FARSB: variants seen among roughly 807,000 people sequenced by gnomAD.
The protein encoded by FARSB is phenylalanyl-tRNA synthetase subunit beta, also known as phenylalanine--tRNA ligase beta subunit.
A neutral mutation model predicts 69.6 loss-of-function variants in FARSB; 40 were observed. That is an observed-to-expected ratio of 0.57 (90% CI 0.45 to 0.75). FARSB has a LOEUF of 0.75. FARSB is among the 30% of genes least tolerant of loss of function. The probability of loss-of-function intolerance (pLI) is 0.00; values close to 1 mark genes in which losing one functional copy is unlikely to be tolerated. For synonymous variants in FARSB, 235 were observed against 247.2 expected, an observed-to-expected ratio of 0.95 and a Z score of 0.46; for missense variants, 632 against 722.9, an observed-to-expected ratio of 0.87 and a Z score of 1.44.
Position 222,570,274 on chromosome 2 carries a change from CA to C in FARSB, c.*1596del, listed in dbSNP as rs1430716130. Among the ~76,000 whole-genome samples, 1 of 152,164 alleles carries C rather than the reference CA, an allele frequency of 6.6e-6. No homozygotes were observed. Among genetic ancestry groups the C allele is most frequent in the Non-Finnish European group, 1.5e-5 (1 of 68,036 alleles). On this transcript the variant is annotated 3_prime_UTR_variant, in exon 17 of 17. Transcript: ENST00000281828. ...TATTAAGTTTTAAGAAATCTTTATGCATGCTGGATACAAGTCCTTTTGGCAT... is the reference window on the plus strand; with the variant it reads ...TATTAAGTTTTAAGAAATCTTTATGCTGCTGGATACAAGTCCTTTTGGCAT...
chr2:222,633,387 A>G (rs1166079974), intron 6 of FARSB, 80 bp from the exon 7 acceptor site: 1 of 695,668 alleles, frequency 1.4e-6, no homozygotes, highest in Admixed American at 2.8e-5. Context: ...ACCTAATATT[A>G]AAAAAGAAGA....
intron 2 of FARSB, among the ~76,000 whole-genome samples, chr2:222,645,248 T>A (rs534493635): frequency 2.6e-5 from 4 of 152,206 alleles, no homozygotes; most frequent in South Asian, 2.1e-4. Flanking sequence ...TGTCCATAGT[T>A]ACACAGCTAG....
Position 222,600,044 on chromosome 2 carries a change from T to G in FARSB, c.1502A>C (p.Tyr501Ser). The G allele has an allele frequency of 6.2e-7, 1 of 1,611,110 alleles. No individual in the cohort carries two copies. Among genetic ancestry groups the G allele is most frequent in the Non-Finnish European group, 8.5e-7 (1 of 1,179,324 alleles). Reference sequence around the variant, plus strand: ...CTCAAACCCAGGATTCTTGTTGTAATAAACAGCACAGAGATGTCTGTAGTT... The same window carrying G: ...CTCAAACCCAGGATTCTTGTTGTAAGAAACAGCACAGAGATGTCTGTAGTT... ...AKNYRHLCAV[Y>S]YNKNPGFEII... Residue 501 changes from tyrosine to serine, a missense_variant, in exon 16 of 17, where the codon TAT (tyrosine) becomes TCT (serine). Physicochemically the swap from Tyr to Ser is moderately radical, Grantham distance 144. Transcript: ENST00000281828.
intron 2 of FARSB, among the ~76,000 whole-genome samples, chr2:222,646,100 G>C (rs1212418255): frequency 1.3e-5 from 2 of 152,082 alleles, no homozygotes; most frequent in Non-Finnish European, 2.9e-5. Context: ...TGTTACTTTT[G>C]GCAGCAGAAT....
At chr2:222,617,332 T>C (rs959311828) in intron 14 of FARSB, among the ~76,000 whole-genome samples, 2 of 152,232 alleles carry the variant, frequency 1.3e-5, no homozygotes, top group Admixed American at 1.3e-4. Flanking sequence ...CTGATTATTT[T>C]CCTTCCACTT....
chr2:222,628,291 G>A (rs181640825), intron 10 of FARSB, among the ~76,000 whole-genome samples: 31 of 152,204 alleles, frequency 2.0e-4, no homozygotes, highest in Non-Finnish European at 4.4e-4. Context: ...CAAATATAGA[G>A]GAGCAGACTA....
chr2:222,618,156 C>G (rs543481490), intron 14 of FARSB, among the ~76,000 whole-genome samples: 1 of 152,196 alleles, frequency 6.6e-6, no homozygotes, highest in South Asian at 2.1e-4. Flanking sequence ...AAAGTTCTGA[C>G]CCTAAGTATA....
At chr2:222,613,956 G>T in intron 14 of FARSB, 28 bp from the exon 15 acceptor site, 1 of 1,288,066 alleles carries the variant, frequency 7.8e-7, no homozygotes, top group South Asian at 1.2e-5. Flanking sequence ...AAATTGCACT[G>T]ACCAAATAGG....
At chr2:222,654,404 T>G (rs1053409929) in intron 1 of FARSB, among the ~76,000 whole-genome samples, 4 of 152,226 alleles carry the variant, frequency 2.6e-5, no homozygotes, top group African/African-American at 4.8e-5. Context: ...TATAAATCAA[T>G]TTCATGTTTA....
intron 15 of FARSB, among the ~76,000 whole-genome samples, chr2:222,601,429 A>G (rs1690557963): frequency 6.6e-6 from 1 of 152,022 alleles, no homozygotes; most frequent in African/African-American, 2.4e-5. Flanking sequence ...TAATAATAAT[A>G]ATAATAAAAA....
chr2:222,654,469 C>G (rs1169466682), intron 1 of FARSB, among the ~76,000 whole-genome samples: 1 of 152,174 alleles, frequency 6.6e-6, no homozygotes, highest in Non-Finnish European at 1.5e-5. Flanking sequence ...ATCCCAAAAT[C>G]CAAAATCCAA....
chr2:222,634,288 AT>A, intron 6 of FARSB, 102 bp downstream of exon 6: 1 of 792,020 alleles, frequency 1.3e-6, no homozygotes, highest in Non-Finnish European at 1.9e-6. Context: ...AGACACTGCT[AT>A]TTTTTAAAAG....
At chr2:222,579,376 G>T (rs753454772) in intron 16 of FARSB, among the ~76,000 whole-genome samples, 73 of 152,306 alleles carry the variant, frequency 4.8e-4, no homozygotes, top group Non-Finnish European at 8.4e-4. Flanking sequence ...TCCACCTTAG[G>T]ACATACCCAA....
intron 5 of FARSB, among the ~76,000 whole-genome samples, chr2:222,637,018 T>C (rs961132343): frequency 7.2e-5 from 11 of 152,062 alleles, no homozygotes; most frequent in Non-Finnish European, 1.5e-4. Context: ...ACATAATAAA[T>C]AGACGAGGAA....
intron 16 of FARSB, among the ~76,000 whole-genome samples, chr2:222,576,140 C>A (rs1689834245): frequency 6.6e-6 from 1 of 152,046 alleles, no homozygotes; most frequent in South Asian, 2.1e-4. Flanking sequence ...TATCAAGCAC[C>A]TTCTTAATCA....
chr2:222,632,074 CGA>C (rs1207904264), intron 7 of FARSB, among the ~76,000 whole-genome samples: 1 of 151,632 alleles, frequency 6.6e-6, no homozygotes, highest in African/African-American at 2.4e-5. Flanking sequence ...TGCAATGGCA[CGA>C]GAGTGTGCCA....
chr2:222,631,547 C>A, intron 8 of FARSB, 57 bp downstream of exon 8: 1 of 945,982 alleles, frequency 1.1e-6, no homozygotes, highest in South Asian at 1.3e-5. Context: ...AGTCTTGGTC[C>A]GGAAATAAAA....
chr2:222,615,262 T>A (rs1690968133), intron 14 of FARSB, among the ~76,000 whole-genome samples: 2 of 152,236 alleles, frequency 1.3e-5, no homozygotes, highest in African/African-American at 4.8e-5. Flanking sequence ...AGCACTATTA[T>A]CTTTTCCCCA....
intron 15 of FARSB, among the ~76,000 whole-genome samples, chr2:222,608,716 G>A (rs1382889222): frequency 6.6e-6 from 1 of 152,174 alleles, no homozygotes; most frequent in Non-Finnish European, 1.5e-5. Context: ...AAACTATTTT[G>A]TCAGTGATTT....
Sources: gnomAD v4.1 joint callset for allele counts (sites outside exome capture counted in the v4.1 genomes callset) on GRCh38, gnomAD v4.1.1 for gene constraint, MANE v1.5 for transcripts, NCBI Gene and HGNC (gene_info 2026-07-23, HGNC 2026-07-21) for gene names.